Variants in DLG2 observed in about 807,000 individuals in gnomAD.
DLG2 encodes disks large homolog 2.
Under a neutral mutation model 132.5 loss-of-function variants are expected in DLG2, and 45 were observed. The ratio of observed to expected loss-of-function variants is 0.34; its 90% confidence interval spans 0.27 to 0.44. The LOEUF (loss-of-function observed/expected upper bound fraction) is 0.44, where lower values mean the gene tolerates loss of function less well. Ranked by LOEUF, DLG2 falls within the 20% of genes least tolerant of loss-of-function variation. DLG2 has a pLI of 1.00. For missense variants in DLG2, 1,045 were observed against 1,196.9 expected (o/e 0.87, Z 1.87); for synonymous variants, 424 against 419.6 (o/e 1.01, Z -0.13).
chr11:83,701,201 A>G (rs181977518), intron 18 of DLG2, among the ~76,000 whole-genome samples: 1 of 152,234 alleles, frequency 6.6e-6, no homozygotes, highest in Admixed American at 6.5e-5. Flanking sequence ...AAGTAGAAAG[A>G]TCTGAACACA....
chr11:83,508,300 G>A (rs1002313691), intron 21 of DLG2, among the ~76,000 whole-genome samples: 2 of 148,618 alleles, frequency 1.3e-5, no homozygotes, highest in African/African-American at 2.5e-5. Flanking sequence ...GCAGTGGCAC[G>A]ATCTCAACTC....
At chr11:85,488,663 C>A (rs2093487318) in intron 3 of DLG2, among the ~76,000 whole-genome samples, 1 of 152,062 alleles carries the variant, frequency 6.6e-6, no homozygotes, top group Admixed American at 6.6e-5. Flanking sequence ...AGAGTATTCC[C>A]AGCAAAGCCT....
In DLG2 at chr11:84,158,396, A is replaced by G. The variant is rs1029048979; in HGVS notation, c.624+5065T>C. 2.6e-5 allele frequency among the ~76,000 whole-genome samples: 4 copies of G among 152,284 alleles called. 1 individual carries two copies. The highest frequency in any genetic ancestry group is 9.6e-5 in the African/African-American group (4 of 41,558). On this transcript the variant is annotated intron_variant, in intron 9 of 27. Transcript: ENST00000376104. ...TTGTTTTCAAAGAGGCATATTGCCC[A>G]AGAGTGAAAGTCAAGAAAATCTGTT...
intron 16 of DLG2, among the ~76,000 whole-genome samples, chr11:83,867,069 A>T (rs2062532711): frequency 6.6e-6 from 1 of 152,164 alleles, no homozygotes; most frequent in Non-Finnish European, 1.5e-5. Flanking sequence ...TTTGACAATG[A>T]TTCTAGTTAA....
chr11:84,818,645 TC>T (rs2077330256), intron 6 of DLG2, among the ~76,000 whole-genome samples: 1 of 151,928 alleles, frequency 6.6e-6, no homozygotes, highest in African/African-American at 2.4e-5. Context: ...GTGCTCTTTT[TC>T]TTAAAGTTTT....
At chr11:85,606,015 G>C (rs1473159637) in intron 2 of DLG2, among the ~76,000 whole-genome samples, 2 of 152,078 alleles carry the variant, frequency 1.3e-5, no homozygotes, top group Non-Finnish European at 2.9e-5. Context: ...AAGGTACCAG[G>C]TACCATGGGA....
chr11:83,471,584 G>A, intron 24 of DLG2, 42 bp downstream of exon 24: 1 of 1,412,274 alleles, frequency 7.1e-7, no homozygotes, highest in Non-Finnish European at 1.0e-6. Flanking sequence ...AGAAATCCAA[G>A]CTCTTTTTGT....
At chr11:84,557,613 C>T (rs1332144514) in intron 6 of DLG2, among the ~76,000 whole-genome samples, 1 of 150,690 alleles carries the variant, frequency 6.6e-6, no homozygotes, top group African/African-American at 2.4e-5. Context: ...TAGATCATTT[C>T]TTTTTAATTT....
At chr11:84,101,258 T>C (rs2092496264) in intron 9 of DLG2, among the ~76,000 whole-genome samples, 1 of 151,988 alleles carries the variant, frequency 6.6e-6, no homozygotes. Context: ...AGAACTTGTG[T>C]AAAAGCCCTT....
At chr11:84,755,996 A>G (rs532875260) in intron 6 of DLG2, among the ~76,000 whole-genome samples, 1 of 152,346 alleles carries the variant, frequency 6.6e-6, no homozygotes, top group Non-Finnish European at 1.5e-5. Context: ...AGTATATAAA[A>G]TTTGCAAAAA....
At chr11:84,126,796 T>A (rs2094195165) in intron 9 of DLG2, among the ~76,000 whole-genome samples, 1 of 152,186 alleles carries the variant, frequency 6.6e-6, no homozygotes. Context: ...ATCTGCTCAG[T>A]TATTTTAGTC....
chr11:85,587,219 G>A (rs893063104), intron 3 of DLG2, among the ~76,000 whole-genome samples: 1 of 152,086 alleles, frequency 6.6e-6, no homozygotes, highest in African/African-American at 2.4e-5. Context: ...AAGTCCATTT[G>A]TTCTGGGTAT....
At chr11:84,354,038 G>T (rs2098597077) in intron 7 of DLG2, among the ~76,000 whole-genome samples, 1 of 152,098 alleles carries the variant, frequency 6.6e-6, no homozygotes, top group African/African-American at 2.4e-5. Flanking sequence ...GGTGTGCCTG[G>T]TTTGTTTCTT....
At chr11:83,465,650 C>T (rs2090887634) in intron 26 of DLG2, among the ~76,000 whole-genome samples, 1 of 152,132 alleles carries the variant, frequency 6.6e-6, no homozygotes, top group Non-Finnish European at 1.5e-5. Context: ...ATATCTTTTA[C>T]AATAATAATA....
intron 16 of DLG2, among the ~76,000 whole-genome samples, chr11:83,842,172 A>G (rs767609432): frequency 6.6e-6 from 1 of 152,336 alleles, no homozygotes; most frequent in Non-Finnish European, 1.5e-5. Flanking sequence ...ACAGATCATC[A>G]GCAGCATAAT....
At chr11:85,108,508 T>C (rs181789631) in intron 6 of DLG2, among the ~76,000 whole-genome samples, 1 of 151,982 alleles carries the variant, frequency 6.6e-6, no homozygotes, top group South Asian at 2.1e-4. Context: ...TCATAGTTTT[T>C]GGTTATATAA....
rs141887056 is a variant in DLG2, at chr11:85,070,601, A to G, written c.357+41060T>C. On this transcript the variant is annotated intron_variant, in intron 6 of 27. Coordinates refer to ENST00000376104, the MANE Select transcript of DLG2 (RefSeq NM_001142699.3). ...TTTTAAAACTTTAAGAAGTATAAGC[A>G]CTAAACCAAAAAGTAAGTCCCATAG... is the stretch of plus-strand genomic sequence containing the variant. Among the ~76,000 whole-genome samples, 22 of 151,946 alleles carry G rather than the reference A, an allele frequency of 1.4e-4. No homozygotes were observed. In the East Asian group the frequency reaches 2.7e-3, roughly 19 times the overall value.
At chr11:84,883,910 T>C (rs982529672) in intron 6 of DLG2, among the ~76,000 whole-genome samples, 5 of 151,966 alleles carry the variant, frequency 3.3e-5, no homozygotes, top group African/African-American at 1.2e-4. Context: ...TTAAGTCCTT[T>C]TGGCAGGAAA....
chr11:84,407,387 T>A (rs952837170), intron 7 of DLG2, among the ~76,000 whole-genome samples: 2 of 152,166 alleles, frequency 1.3e-5, no homozygotes, highest in African/African-American at 4.8e-5. Context: ...GCCTTCCTAC[T>A]GTGGCCACTA....
Sources: allele counts gnomAD v4.1 joint callset (sites outside exome capture counted in the v4.1 genomes callset), GRCh38; gene constraint gnomAD v4.1.1; transcripts MANE v1.5; gene names NCBI Gene and HGNC (gene_info 2026-07-23, HGNC 2026-07-21).